PEAK1: variants seen among roughly 807,000 people sequenced by gnomAD.
PEAK1 encodes pseudopodium enriched atypical kinase 1, also known as inactive tyrosine-protein kinase PEAK1.
In PEAK1, 54 loss-of-function variants were observed where a neutral mutation model predicts 124.7. That is an observed-to-expected ratio of 0.43 (90% CI 0.35 to 0.54). The LOEUF (loss-of-function observed/expected upper bound fraction) is 0.54, where lower values mean the gene tolerates loss of function less well. Among genes scored for constraint, PEAK1 ranks in the 20% least tolerant of loss-of-function variants. The pLI is 0.01. For missense variants in PEAK1, 2,046 were observed against 2,134.5 expected (o/e 0.96, Z 0.82); for synonymous variants, 719 against 760.0 (o/e 0.95, Z 0.89).
At chr15:77,175,980 A>G (rs1325063439) in intron 7 of PEAK1, among the ~76,000 whole-genome samples, 2 of 152,198 alleles carry the variant, frequency 1.3e-5, no homozygotes, top group African/African-American at 4.8e-5. Context: ...GGAAATCATC[A>G]TTCTCAGTAA....
At chr15:77,382,734 G>A (rs910175630) in intron 1 of PEAK1, among the ~76,000 whole-genome samples, 4 of 151,920 alleles carry the variant, frequency 2.6e-5, no homozygotes, top group Non-Finnish European at 5.9e-5. Context: ...AGAATCCTCG[G>A]TATTCTTCCT....
intron 6 of PEAK1, among the ~76,000 whole-genome samples, chr15:77,224,778 T>A (rs149739696): frequency 1.3e-5 from 2 of 152,162 alleles, no homozygotes; most frequent in East Asian, 3.9e-4. Flanking sequence ...AGAATTTTGC[T>A]GAATTATTTC....
intron 2 of PEAK1, chr15:77,333,719 T>C (rs2066028361): frequency 1.0e-6 from 1 of 967,558 alleles, no homozygotes; most frequent in Non-Finnish European, 1.2e-6. Flanking sequence ...TTGAAATGGC[T>C]TCACTATCAT....
chr15:77,376,397 G>T (rs2069031546), intron 1 of PEAK1, among the ~76,000 whole-genome samples: 1 of 151,926 alleles, frequency 6.6e-6, no homozygotes, highest in Non-Finnish European at 1.5e-5. Context: ...GGGGGTGGGG[G>T]GGAAGTACCT....
At chr15:77,412,810 C>T (rs1230061205) in intron 1 of PEAK1, among the ~76,000 whole-genome samples, 1 of 151,898 alleles carries the variant, frequency 6.6e-6, no homozygotes, top group African/African-American at 2.4e-5. Flanking sequence ...GAACCTGAAG[C>T]ATGTGGTAGT....
rs1426430264 is a variant in PEAK1 at position 77,110,202 on chromosome 15, C to T, written c.*3954G>A. On this transcript the variant is annotated 3_prime_UTR_variant, in exon 10 of 10. Coordinates refer to ENST00000682557, the MANE Select transcript of PEAK1 (RefSeq NM_001385026.1). ...TTGCCTCCTGGGTTCAAGAGATTCT[C>T]TTGCCTCAGCCTCCCGAGTAGCTTA... 6.6e-6 allele frequency: 1 copy of T among 152,138 alleles called. No homozygotes were observed. The allele number at this position is 152,138 out of a possible 1,614,324, so 9.4% of individuals were successfully genotyped here.
intron 2 of PEAK1, among the ~76,000 whole-genome samples, chr15:77,301,819 A>G (rs2063803112): frequency 6.6e-6 from 1 of 152,198 alleles, no homozygotes; most frequent in Non-Finnish European, 1.5e-5. Flanking sequence ...GGAATGTCTA[A>G]GTAAATCATT....
intron 2 of PEAK1, among the ~76,000 whole-genome samples, chr15:77,299,569 T>C (rs2063684696): frequency 6.6e-6 from 1 of 152,236 alleles, no homozygotes; most frequent in Non-Finnish European, 1.5e-5. Flanking sequence ...GTCAAGTGTG[T>C]CTAGTCTCTT....
intron 9 of PEAK1, among the ~76,000 whole-genome samples, chr15:77,122,717 A>T (rs2052024908): frequency 6.6e-6 from 1 of 152,172 alleles, no homozygotes; most frequent in African/African-American, 2.4e-5. Flanking sequence ...CAAAACTAGG[A>T]TGGCCATGAG....
Position 77,365,239 on chromosome 15 carries a change from A to G in PEAK1, c.-665-14T>C, listed in dbSNP as rs922988224. On this transcript the variant is annotated splice_polypyrimidine_tract_variant and intron_variant, in intron 1 of 9. Transcript: ENST00000682557. ...TTGGGCAGATACCTGAATTGTAAAA[A>G]ACAAACAGAAAAAGACATGGTCAAT... The G allele has an allele frequency of 3.1e-6, 3 of 971,682 alleles. No individual in the cohort carries two copies. The African/African-American group carries it at 5.3e-5, about 17-fold the overall frequency. 60.2% of individuals were successfully genotyped at this position (971,682 alleles called of 1,614,324 possible). A position where few individuals can be genotyped will look rare whatever the true frequency, so the allele number is the denominator to read the frequency against.
At position 77,283,969 on chromosome 15, in the gene PEAK1, A is replaced by G. The variant is rs1347097185; in HGVS notation, c.-361T>C. The G allele has an allele frequency of 2.0e-6, 2 of 983,460 alleles. No homozygotes were observed. Among genetic ancestry groups the G allele is most frequent in the East Asian group, 1.1e-4 (1 of 8,828 alleles). 60.9% of individuals were successfully genotyped at this position (983,460 alleles called of 1,614,324 possible). ...GTTTCTCCTTCTTGGATTTTTTCAT[A>G]AATCATTGAATTCTCACTTTCTCAC... is the stretch of plus-strand genomic sequence containing the variant. On this transcript the variant is annotated 5_prime_UTR_variant, in exon 5 of 10. Transcript: ENST00000682557.
chr15:77,406,210 G>T (rs2071804293), intron 1 of PEAK1, among the ~76,000 whole-genome samples: 1 of 152,162 alleles, frequency 6.6e-6, no homozygotes, highest in African/African-American at 2.4e-5. Context: ...CTTTAGTTTT[G>T]AGGTTTAGCA....
At chr15:77,165,950 G>A (rs2056066381) in intron 7 of PEAK1, among the ~76,000 whole-genome samples, 1 of 152,138 alleles carries the variant, frequency 6.6e-6, no homozygotes, top group Admixed American at 6.5e-5. Context: ...ACACTGTTAA[G>A]ATAAGGCAAG....
At chr15:77,271,478 T>C (rs991447539) in intron 5 of PEAK1, among the ~76,000 whole-genome samples, 2 of 152,096 alleles carry the variant, frequency 1.3e-5, no homozygotes, top group Admixed American at 1.3e-4. Flanking sequence ...GACACATGCA[T>C]ATGTATGCTT....
chr15:77,112,818 A>G lies in PEAK1; in HGVS notation c.*1338T>C, dbSNP rs1177261094. 4 of 152,192 alleles carry G rather than the reference A, an allele frequency of 2.6e-5. No individual in the cohort carries two copies. Among genetic ancestry groups the G allele is most frequent in the Admixed American group, 6.5e-5 (1 of 15,280 alleles). 9.4% of individuals were successfully genotyped at this position (152,192 alleles called of 1,614,324 possible). A position where few individuals can be genotyped will look rare whatever the true frequency, so the allele number is the denominator to read the frequency against. On this transcript the variant is annotated 3_prime_UTR_variant, in exon 10 of 10. Transcript: ENST00000682557. ...AGTTGCAACATAAACACTGTAATAT[A>G]CAGCTAAAAAAATACATACAAAAAT...
chr15:77,250,017 G>T (rs2060770127), intron 6 of PEAK1, among the ~76,000 whole-genome samples: 1 of 151,142 alleles, frequency 6.6e-6, no homozygotes, highest in African/African-American at 2.4e-5. Flanking sequence ...GAATTTACTG[G>T]ATATTTTAGA....
Position 77,298,197 on chromosome 15 carries a change from A to ATTTT in PEAK1, c.-602-11697_-602-11694dup, listed in dbSNP as rs749000554. Among the ~76,000 whole-genome samples the ATTTT allele has an allele frequency of 4.0e-4, 15 of 37,820 alleles. 1 individual carries two copies. The highest frequency in any genetic ancestry group is 1.4e-3 in the Admixed American group (3 of 2,148). 24.8% of individuals were successfully genotyped at this position (37,820 alleles called of 152,430 possible). A position where few individuals can be genotyped will look rare whatever the true frequency, so the allele number is the denominator to read the frequency against. ...TAGCTTCTTTTGTTTGGTATCCTTA[A>ATTTT]TTTTTTTTTTTTTTTTTTTTTTTTT... On this transcript the variant is annotated intron_variant, in intron 2 of 9. Coordinates refer to ENST00000682557, the MANE Select transcript of PEAK1 (RefSeq NM_001385026.1).
rs2057122257 is a variant in PEAK1, at chr15:77,179,689, T to C, written c.2238A>G (p.Glu746=). 1 of 1,613,928 alleles carries C rather than the reference T, an allele frequency of 6.2e-7. No individual in the cohort carries two copies. Among genetic ancestry groups the C allele is most frequent in the South Asian group, 1.1e-5 (1 of 91,074 alleles). Residue 746 remains glutamate (E), a synonymous_variant, in exon 7 of 10, where the codon GAA becomes GAG. Coordinates refer to ENST00000682557, the MANE Select transcript of PEAK1 (RefSeq NM_001385026.1). ...RATQEPVAKI[E]GTQESQMVGS... ...CCACCATCTGAGACTCCTGAGTGCC[T>C]TCTATTTTGGCCACAGGCTCTTGAG...
At chr15:77,122,259 C>A (rs1446443758) in intron 9 of PEAK1, among the ~76,000 whole-genome samples, 1 of 152,146 alleles carries the variant, frequency 6.6e-6, no homozygotes, top group Non-Finnish European at 1.5e-5. Flanking sequence ...TGTTCACATG[C>A]CCAAGAAAGT....
Sources: allele counts gnomAD v4.1 joint callset (sites outside exome capture counted in the v4.1 genomes callset), GRCh38; gene constraint gnomAD v4.1.1; transcripts MANE v1.5; gene names NCBI Gene and HGNC (gene_info 2026-07-23, HGNC 2026-07-21).